TRIO: variants seen among roughly 807,000 people sequenced by gnomAD.
TRIO encodes the protein triple functional domain protein.
In TRIO, 58 loss-of-function variants were observed where a neutral mutation model predicts 351.9. That is an observed-to-expected ratio of 0.16 (90% CI 0.13 to 0.21). The LOEUF is 0.21. TRIO is among the 10% of genes least tolerant of loss of function. The pLI is 1.00. For missense variants in TRIO, 3,201 were observed against 4,027.8 expected, an observed-to-expected ratio of 0.79 and a Z score of 5.56; for synonymous variants, 1,758 against 1,595.7, an observed-to-expected ratio of 1.10 and a Z score of -2.42.
At chr5:14,257,593 G>C (rs1262400200) in intron 1 of TRIO, among the ~76,000 whole-genome samples, 2 of 152,090 alleles carry the variant, frequency 1.3e-5, no homozygotes, top group African/African-American at 4.8e-5. Context: ...GACGGGGCGT[G>C]GGAAAGATCT....
intron 1 of TRIO, among the ~76,000 whole-genome samples, chr5:14,155,909 C>G (rs164362): frequency 0.064 from 9,713 of 152,214 alleles, 1,068 homozygotes; most frequent in African/African-American, 0.22. Flanking sequence ...ATGATCTTCA[C>G]CTGAATCAGT....
At chr5:14,179,083 T>A (rs906368624) in intron 1 of TRIO, among the ~76,000 whole-genome samples, 31 of 152,230 alleles carry the variant, frequency 2.0e-4, no homozygotes, top group African/African-American at 7.2e-4. Flanking sequence ...AAAGCCTTTG[T>A]CACCGCCTTC....
At chr5:14,261,611 A>G (rs934486428) in intron 1 of TRIO, among the ~76,000 whole-genome samples, 1 of 152,218 alleles carries the variant, frequency 6.6e-6, no homozygotes, top group Non-Finnish European at 1.5e-5. Flanking sequence ...TCTTGGGGGA[A>G]AAGCCCACTG....
At chr5:14,375,823 G>A (rs545584199) in intron 19 of TRIO, among the ~76,000 whole-genome samples, 1 of 152,202 alleles carries the variant, frequency 6.6e-6, no homozygotes, top group Non-Finnish European at 1.5e-5. Flanking sequence ...TCATTTTCAT[G>A]TGCAATATTT....
At chr5:14,239,917 A>G (rs989004447) in intron 1 of TRIO, among the ~76,000 whole-genome samples, 4 of 152,218 alleles carry the variant, frequency 2.6e-5, no homozygotes, top group Admixed American at 2.6e-4. Flanking sequence ...GGGAACTGCC[A>G]TGGGAGGAGG....
intron 11 of TRIO, among the ~76,000 whole-genome samples, chr5:14,342,406 G>T (rs1742020532): frequency 6.6e-6 from 1 of 152,218 alleles, no homozygotes; most frequent in African/African-American, 2.4e-5. Flanking sequence ...AAGGTCCACA[G>T]TGCTCATTGT....
chr5:14,288,397 G>A (rs972298102), intron 4 of TRIO, among the ~76,000 whole-genome samples: 1 of 152,186 alleles, frequency 6.6e-6, no homozygotes, highest in Non-Finnish European at 1.5e-5. Context: ...GACCGGGTGT[G>A]GTGGCTCACG....
intron 33 of TRIO, among the ~76,000 whole-genome samples, chr5:14,408,815 C>G (rs1748937681): frequency 6.6e-6 from 1 of 151,890 alleles, no homozygotes; most frequent in Non-Finnish European, 1.5e-5. Flanking sequence ...AAGATAAACT[C>G]CTAGGGGTCT....
chr5:14,225,801 C>CCG (rs1554036849), intron 1 of TRIO, among the ~76,000 whole-genome samples: 4,399 of 137,970 alleles, frequency 0.032, 442 homozygotes, highest in African/African-American at 0.13. Flanking sequence ...CACCCCCCCC[C>CCG]CCACCTCCAA....
chr5:14,270,581 T>A (rs1795923517), intron 1 of TRIO, among the ~76,000 whole-genome samples: 2 of 152,258 alleles, frequency 1.3e-5, no homozygotes, highest in South Asian at 2.1e-4. Flanking sequence ...TTGCTAGAAA[T>A]GACTCAGAGC....
chr5:14,455,016 C>T (rs923418735), intron 34 of TRIO, among the ~76,000 whole-genome samples: 7 of 151,804 alleles, frequency 4.6e-5, no homozygotes, highest in African/African-American at 7.3e-5. Context: ...GTTGTTCATT[C>T]GTCCCGGTGG....
intron 1 of TRIO, among the ~76,000 whole-genome samples, chr5:14,246,138 G>T (rs1025006939): frequency 1.3e-5 from 2 of 152,070 alleles, no homozygotes; most frequent in Non-Finnish European, 2.9e-5. Context: ...CTACAGTTTC[G>T]TTGTATCCTT....
At chr5:14,340,533 G>A (rs951494918) in intron 11 of TRIO, among the ~76,000 whole-genome samples, 7 of 152,082 alleles carry the variant, frequency 4.6e-5, no homozygotes, top group African/African-American at 1.2e-4. Flanking sequence ...AGTGGCTCTC[G>A]TCCTCACTTT....
intron 2 of TRIO, among the ~76,000 whole-genome samples, chr5:14,272,678 G>A (rs1024082983): frequency 2.0e-5 from 3 of 152,218 alleles, no homozygotes; most frequent in African/African-American, 7.2e-5. Context: ...CGATGGTAGA[G>A]CTTCCAGCAG....
At chr5:14,477,041 C>T (rs1001146662) in intron 41 of TRIO, 78 bp downstream of exon 41, 17 of 1,255,620 alleles carry the variant, frequency 1.4e-5, no homozygotes, top group African/African-American at 1.1e-4. Context: ...TAAAGGAGAA[C>T]TCACTTATAC....
chr5:14,508,043 C>G lies in TRIO; in HGVS notation c.8915C>G (p.Thr2972Ser). 1 of 1,614,240 alleles carries G rather than the reference C, an allele frequency of 6.2e-7. No homozygotes were observed. Among genetic ancestry groups the G allele is most frequent in the South Asian group, 1.1e-5 (1 of 91,086 alleles). The change falls in exon 57 of 57, where the codon ACC becomes AGC. Residue 2972 changes from threonine (T) to serine (S), a missense_variant. Coordinates refer to ENST00000344204, the MANE Select transcript of TRIO (RefSeq NM_007118.4). ...ATCCTCGGGAACCCTGTCTCCCTGA[C>G]CTCGGATACGTGGAGTGTTGGAGTG... ...EIILGNPVSL[T>S]SDTWSVGVLT...
intron 34 of TRIO, chr5:14,441,232 A>T (rs781743210): frequency 2.6e-5 from 4 of 152,780 alleles, no homozygotes; most frequent in Non-Finnish European, 4.4e-5. Context: ...TTTAGCCTCC[A>T]GTCGGCTCCA....
At chr5:14,345,294 T>A (rs1742318009) in intron 11 of TRIO, among the ~76,000 whole-genome samples, 1 of 152,206 alleles carries the variant, frequency 6.6e-6, no homozygotes, top group Non-Finnish European at 1.5e-5. Flanking sequence ...GATTATCGGA[T>A]GAAGGAATTA....
At chr5:14,363,481 C>G (rs1561394360) in intron 13 of TRIO, among the ~76,000 whole-genome samples, 1 of 151,984 alleles carries the variant, frequency 6.6e-6, no homozygotes, top group Non-Finnish European at 1.5e-5. Flanking sequence ...AATTATTTAT[C>G]TTCTCTTTCG....
Sources: gnomAD v4.1 joint callset for allele counts (sites outside exome capture counted in the v4.1 genomes callset) on GRCh38, gnomAD v4.1.1 for gene constraint, MANE v1.5 for transcripts, NCBI Gene and HGNC (gene_info 2026-07-23, HGNC 2026-07-21) for gene names.